Variants in PLEKHH3 observed in about 807,000 individuals in gnomAD.
The protein encoded by PLEKHH3 is pleckstrin homology, MyTH4 and FERM domain containing H3, also known as pleckstrin homology domain-containing family H member 3.
Under a neutral mutation model 77.8 loss-of-function variants are expected in PLEKHH3, and 57 were observed. The ratio of observed to expected loss-of-function variants is 0.73; its 90% CI spans 0.59 to 0.91. The LOEUF (loss-of-function observed/expected upper bound fraction) is 0.91. PLEKHH3 is among the 40% of genes least tolerant of loss of function. The probability of loss-of-function intolerance (pLI) is 0.00; values close to 1 mark genes in which losing one functional copy is unlikely to be tolerated. For missense variants in PLEKHH3, 1,082 were observed against 1,091.2 expected (o/e 0.99, Z 0.12); for synonymous variants, 467 against 504.8 (o/e 0.93, Z 1.00).
At position 42,668,333 on chromosome 17, in the gene PLEKHH3, A is replaced by C; in HGVS notation, c.2206-30T>G. On this transcript the variant is annotated intron_variant, in intron 12 of 12. Coordinates refer to ENST00000591022, the MANE Select transcript of PLEKHH3 (RefSeq NM_024927.5). ...GAGAGGGCAGAGGTCAGTGTGCAAC[A>C]GGGGCTGCCAGGTTCTCTTCTTTTT... 3 of 1,477,188 alleles carry C rather than the reference A, an allele frequency of 2.0e-6. No individual in the cohort carries two copies. In the South Asian group the frequency reaches 4.3e-5, roughly 21 times the overall value. 91.5% of individuals were successfully genotyped at this position (1,477,188 alleles called of 1,614,324 possible).
Position 42,670,066 on chromosome 17 carries a change from C to G in PLEKHH3, c.1865G>C (p.Gly622Ala), listed in dbSNP as rs1330376292. The G allele has an allele frequency of 8.9e-6, 13 of 1,468,112 alleles. No individual in the cohort carries two copies. The highest frequency in any genetic ancestry group is 9.8e-6 in the Non-Finnish European group (11 of 1,119,000). 90.9% of individuals were successfully genotyped at this position (1,468,112 alleles called of 1,614,324 possible). ...CACGGCAGCTGCCGTGCCGGCGCCG[C>G]CTCCTCCCTCGCGGGCAATGCTTCC... is the stretch of plus-strand genomic sequence containing the variant. The part of the protein sequence containing the change: ...TAGSIAREGG[G>A]GAGTAAAVLG... The change falls in exon 11 of 13, where the codon GGC becomes GCC. Residue 622 changes from glycine to alanine, a missense_variant. Gly to Ala is a moderately conservative substitution (Grantham distance 60, BLOSUM62 0). This residue lies in a region of PLEKHH3 where 733 missense variants were observed against 750.0 expected (regional missense o/e 0.98). Coordinates refer to ENST00000591022, the MANE Select transcript of PLEKHH3 (RefSeq NM_024927.5).
chr17:42,668,466 T>G, intron 12 of PLEKHH3, 163 bp from the exon 13 acceptor site: 1 of 569,968 alleles, frequency 1.8e-6, no homozygotes. Flanking sequence ...TCATTTCTTT[T>G]TTGTTTTTTG....
rs531710065 is a variant in PLEKHH3 at position 42,671,913 on chromosome 17, G to T, written c.1076+173C>A. On this transcript the variant is annotated intron_variant, in intron 7 of 12. Transcript: ENST00000591022. The surrounding 1 kb of genome is among the most constrained non-coding windows in gnomAD (Gnocchi z 4.7). Reference sequence around the variant, plus strand: ...CATAACTCCTCAGCCCAAGGGGGGCGTTTTATTGTAATTCATCCGCTCACA... The same window carrying T: ...CATAACTCCTCAGCCCAAGGGGGGCTTTTTATTGTAATTCATCCGCTCACA... Among the ~76,000 whole-genome samples, 1 of 152,156 alleles carries T rather than the reference G, an allele frequency of 6.6e-6. No homozygotes were observed. The highest frequency in any genetic ancestry group is 2.4e-5 in the African/African-American group (1 of 41,440).
chr17:42,670,051 G>A lies in PLEKHH3; in HGVS notation c.1880C>T (p.Ala627Val), dbSNP rs745484032. 6.7e-6 allele frequency: 10 copies of A among 1,499,890 alleles called. No individual in the cohort carries two copies. The highest frequency in any genetic ancestry group is 2.5e-5 in the South Asian group (2 of 78,948). 92.9% of individuals were successfully genotyped at this position (1,499,890 alleles called of 1,614,324 possible). ...AREGGGGAGTAAAVLGGWKRL... is the reference protein window; with the variant it reads ...AREGGGGAGTVAAVLGGWKRL... ...CTTCCAGCCGCCCAGCACGGCAGCTGCCGTGCCGGCGCCGCCTCCTCCCTC... is the reference window on the plus strand; with the variant it reads ...CTTCCAGCCGCCCAGCACGGCAGCTACCGTGCCGGCGCCGCCTCCTCCCTC... The change falls in exon 11 of 13, where the codon GCA becomes GTA. Residue 627 changes from alanine to valine, a missense_variant. Transcript: ENST00000591022.
At position 42,669,983 on chromosome 17, in the gene PLEKHH3, G is replaced by C. The variant is rs760811480; in HGVS notation, c.1948C>G (p.Leu650Val). 1.9e-6 allele frequency: 3 copies of C among 1,611,238 alleles called. No homozygotes were observed. Among genetic ancestry groups the C allele is most frequent in the South Asian group, 2.2e-5 (2 of 90,892 alleles). ...CCCGGACACTGCGCCGCCAGGGCCAGGTAGGCGGCCATGGCCTCAGCTCGG... is the reference window on the plus strand; with the variant it reads ...CCCGGACACTGCGCCGCCAGGGCCACGTAGGCGGCCATGGCCTCAGCTCGG... The part of the protein sequence containing the change: ...MGRAEAMAAY[L>V]ALAAQCPGFG... Residue 650 changes from leucine to valine, a missense_variant, in exon 11 of 13, where the codon CTG becomes GTG. By Grantham distance (32) the Leu-to-Val change is conservative (BLOSUM62 1). Around this residue, in one of 3 missense-constraint regions of PLEKHH3, gnomAD observed 733 missense variants for 750.0 expected, o/e 0.98. Coordinates refer to ENST00000591022, the MANE Select transcript of PLEKHH3 (RefSeq NM_024927.5).
rs748050567 is a variant in PLEKHH3, at chr17:42,670,559, C to A, written c.1554+14G>T. On this transcript the variant is annotated intron_variant, in intron 10 of 12. Coordinates refer to ENST00000591022, the MANE Select transcript of PLEKHH3 (RefSeq NM_024927.5). The stretch of plus-strand genomic sequence containing the variant: ...GGGGGTCTGTTTGGAGGCGTGAACG[C>A]CGGAGAGCCTCACCTGCTCAAAGAG... 2 of 1,601,144 alleles carry A rather than the reference C, an allele frequency of 1.2e-6. No homozygotes were observed. The highest frequency in any genetic ancestry group is 1.7e-6 in the Non-Finnish European group (2 of 1,170,598).
Position 42,670,601 on chromosome 17 carries a change from C to T in PLEKHH3, c.1526G>A (p.Gly509Asp), listed in dbSNP as rs754575468. The stretch of plus-strand genomic sequence containing the variant: ...CTCAAAGAGGAAAGGCAGTTCGTGA[C>T]CGTCTGGGGACAGCCCCTCAGGGTG... The part of the protein sequence containing the change: ...PLHPEGLSPD[G>D]HELPFLFEQA... Residue 509 changes from glycine to aspartate, a missense_variant, in exon 10 of 13, where the codon GGT becomes GAT. Around this residue, in one of 3 missense-constraint regions of PLEKHH3, gnomAD observed 733 missense variants for 750.0 expected, o/e 0.98. Transcript: ENST00000591022. 1.2e-5 allele frequency: 20 copies of T among 1,611,710 alleles called. No homozygotes were observed. The South Asian group carries it at 2.2e-4, about 18-fold the overall frequency.
chr17:42,674,530 C>G (rs531252055), intron 1 of PLEKHH3, 121 bp from the exon 2 acceptor site: 133 of 861,942 alleles, frequency 1.5e-4, no homozygotes, highest in South Asian at 1.1e-3. Flanking sequence ...AGAGTGGGGT[C>G]GTGACTAGGG....
In PLEKHH3 at chr17:42,670,600, A is replaced by C; in HGVS notation, c.1527T>G (p.Gly509=). 6.2e-7 allele frequency: 1 copy of C among 1,611,636 alleles called. No homozygotes were observed. The highest frequency in any genetic ancestry group is 1.7e-4 in the Middle Eastern group (1 of 6,060). The change falls in exon 10 of 13, where the codon GGT becomes GGG. Residue 509 remains glycine (G), a synonymous_variant. Transcript: ENST00000591022. ...GCTCAAAGAGGAAAGGCAGTTCGTG[A>C]CCGTCTGGGGACAGCCCCTCAGGGT... ...PLHPEGLSPD[G]HELPFLFEQA...
At position 42,676,679 on chromosome 17, in the gene PLEKHH3, G is replaced by A. The variant is rs114078927; in HGVS notation, c.-116C>T. On this transcript the variant is annotated 5_prime_UTR_variant, in exon 1 of 13. Coordinates refer to ENST00000591022, the MANE Select transcript of PLEKHH3 (RefSeq NM_024927.5). This position sits in a 1 kb window ranked among gnomAD's most constrained non-coding sequence, Gnocchi z 6.6. ...GAAAGATGAGGTGGGAGGAGCAGAAGGGAGAAGAGGACAGGGAGGAGGCAG... is the reference window on the plus strand; with the variant it reads ...GAAAGATGAGGTGGGAGGAGCAGAAAGGAGAAGAGGACAGGGAGGAGGCAG... 8.8e-4 allele frequency: 894 copies of A among 1,019,196 alleles called. 6 individuals carry two copies. The African/African-American group carries it at 0.011, about 12-fold the overall frequency. 63.1% of individuals were successfully genotyped at this position (1,019,196 alleles called of 1,614,324 possible).
intron 11 of PLEKHH3, 137 bp downstream of exon 11, chr17:42,669,781 C>A: frequency 6.6e-7 from 1 of 1,512,358 alleles, no homozygotes; most frequent in Non-Finnish European, 8.9e-7. Flanking sequence ...GGCCCAAGGG[C>A]TGGTGACTCC....
At position 42,670,591 on chromosome 17, in the gene PLEKHH3, C is replaced by T; in HGVS notation, c.1536G>A (p.Leu512=). Reference sequence around the variant, plus strand: ...GCCTCACCTGCTCAAAGAGGAAAGGCAGTTCGTGACCGTCTGGGGACAGCC... The same window carrying T: ...GCCTCACCTGCTCAAAGAGGAAAGGTAGTTCGTGACCGTCTGGGGACAGCC... The part of the protein sequence containing the change: ...PEGLSPDGHE[L]PFLFEQAHAL... The change falls in exon 10 of 13, where the codon CTG becomes CTA. Residue 512 remains leucine, a synonymous_variant. Coordinates refer to ENST00000591022, the MANE Select transcript of PLEKHH3 (RefSeq NM_024927.5). 5 of 1,610,880 alleles carry T rather than the reference C, an allele frequency of 3.1e-6. No homozygotes were observed. The highest frequency in any genetic ancestry group is 3.4e-6 in the Non-Finnish European group (4 of 1,178,138).
rs1483097295 is a variant in PLEKHH3, at chr17:42,670,562, G to A, written c.1554+11C>T. 6 of 1,601,818 alleles carry A rather than the reference G, an allele frequency of 3.7e-6. No homozygotes were observed. The highest frequency in any genetic ancestry group is 4.3e-6 in the Non-Finnish European group (5 of 1,171,196). ...GGTCTGTTTGGAGGCGTGAACGCCG[G>A]AGAGCCTCACCTGCTCAAAGAGGAA... On this transcript the variant is annotated intron_variant, in intron 10 of 12. Coordinates refer to ENST00000591022, the MANE Select transcript of PLEKHH3 (RefSeq NM_024927.5).
chr17:42,673,126 T>A, intron 6 of PLEKHH3, 50 bp downstream of exon 6: 1 of 1,474,396 alleles, frequency 6.8e-7, no homozygotes, highest in Non-Finnish European at 9.0e-7. Context: ...GATTCTTACC[T>A]CTGAACCACC....
At chr17:42,673,139 A>T (rs2052738298) in intron 6 of PLEKHH3, 37 bp downstream of exon 6, 1 of 1,493,690 alleles carries the variant, frequency 6.7e-7, no homozygotes, top group Middle Eastern at 1.8e-4. Context: ...GAACCACCCC[A>T]TCCCATCCAG....
At position 42,673,943 on chromosome 17, in the gene PLEKHH3, C is replaced by T. The variant is rs568144988; in HGVS notation, c.289G>A (p.Val97Ile). 1.2e-6 allele frequency: 2 copies of T among 1,613,486 alleles called. No homozygotes were observed. The highest frequency in any genetic ancestry group is 1.1e-5 in the South Asian group (1 of 91,088). The change falls in exon 3 of 13, where the codon GTT (valine) becomes ATT (isoleucine). Residue 97 changes from valine (V) to isoleucine (I), a missense_variant. Val to Ile is a conservative substitution (Grantham distance 29). Transcript: ENST00000591022. Reference protein sequence around the residue: ...KGLPEDDPDIVVKGWLYREPR... With the variant: ...KGLPEDDPDIIVKGWLYREPR... Reference sequence around the variant, plus strand: ...TGAGGGGGGTCTCTACCTTTCACAACGATGTCCGGGTCGTCCTCCGGCAGC... The same window carrying T: ...TGAGGGGGGTCTCTACCTTTCACAATGATGTCCGGGTCGTCCTCCGGCAGC...
At position 42,676,417 on chromosome 17, in the gene PLEKHH3, T is replaced by C; in HGVS notation, c.147A>G (p.Pro49=). The change falls in exon 1 of 13, where the codon CCA becomes CCG. Residue 49 remains proline (P), a synonymous_variant. Coordinates refer to ENST00000591022, the MANE Select transcript of PLEKHH3 (RefSeq NM_024927.5). This position sits in a 1 kb window ranked among gnomAD's most constrained non-coding sequence, Gnocchi z 6.6. ...EETFELRTPS[P]AGGGRGPLEV... ...CGGGACTTACCCTCCCGCCGCCCGC[T>C]GGACTCGGGGTCCGCAGCTCAAAGG... 1 of 1,613,326 alleles carries C rather than the reference T, an allele frequency of 6.2e-7. No homozygotes were observed.
At chr17:42,675,087 G>A (rs993476644) in intron 1 of PLEKHH3, among the ~76,000 whole-genome samples, 1 of 152,134 alleles carries the variant, frequency 6.6e-6, no homozygotes, top group East Asian at 1.9e-4. Flanking sequence ...TGTAGTTCAG[G>A]GTTTTGCCCT....
chr17:42,669,635 G>A lies in PLEKHH3; in HGVS notation c.2014-14C>T. The A allele has an allele frequency of 1.3e-6, 2 of 1,593,948 alleles. No individual in the cohort carries two copies. The highest frequency in any genetic ancestry group is 1.7e-6 in the Non-Finnish European group (2 of 1,165,772). ...CCGACCAGGCTCCTGCAGACAGAGA[G>A]GCAGAGTCAGGGTGGAAGGAGGAGC... On this transcript the variant is annotated splice_polypyrimidine_tract_variant and intron_variant, in intron 11 of 12. Transcript: ENST00000591022.
Sources: gnomAD v4.1 joint callset for allele counts (sites outside exome capture counted in the v4.1 genomes callset) on GRCh38, gnomAD v4.1.1 for gene constraint, gnomAD v4.1.1 regional missense constraint, Gnocchi (gnomAD v3.1) non-coding constraint, MANE v1.5 for transcripts, NCBI Gene and HGNC (gene_info 2026-07-23, HGNC 2026-07-21) for gene names.